Variants in HARBI1 observed in about 807,000 individuals in gnomAD.
HARBI1 encodes the protein putative nuclease HARBI1.
A neutral mutation model predicts 25.3 loss-of-function variants in HARBI1; 15 were observed. The ratio of observed to expected loss-of-function variants is 0.59; its 90% CI spans 0.40 to 0.91. HARBI1 has a LOEUF of 0.91. Among genes scored for constraint, HARBI1 ranks in the 40% least tolerant of loss-of-function variants. HARBI1 has a pLI of 0.00. For missense variants in HARBI1, 396 were observed against 445.8 expected (o/e 0.89, Z 1.01); for synonymous variants, 168 against 160.5 (o/e 1.05, Z -0.35).
chr11:46,608,518 C>T (rs2045045717), intron 2 of HARBI1, among the ~76,000 whole-genome samples: 1 of 152,076 alleles, frequency 6.6e-6, no homozygotes, highest in South Asian at 2.1e-4. Context: ...GATCGTAGCT[C>T]ACTGCAGCCT....
At chr11:46,617,525 C>T (rs2045663134), upstream of HARBI1, 1 of 297,318 alleles carries the variant, frequency 3.4e-6, no homozygotes, top group Admixed American at 5.1e-5. Flanking sequence ...TGGATTTCCC[C>T]CGTAGCCCTC....
intron 2 of HARBI1, 40 bp downstream of exon 2, chr11:46,615,528 T>C: frequency 6.4e-7 from 1 of 1,573,426 alleles, no homozygotes; most frequent in Non-Finnish European, 8.7e-7. Context: ...AACTTTTCTA[T>C]GCCTCCAAAC....
At chr11:46,609,543 C>CA (rs2045091364) in intron 2 of HARBI1, among the ~76,000 whole-genome samples, 1 of 101,738 alleles carries the variant, frequency 9.8e-6, no homozygotes, top group Non-Finnish European at 1.9e-5. Flanking sequence ...GACAGGGTTT[C>CA]AGCATGTTGA....
chr11:46,603,998 CAAGAA>C (rs1031438266), intron 2 of HARBI1, 89 bp from the exon 3 acceptor site: 4 of 1,464,038 alleles, frequency 2.7e-6, no homozygotes, highest in Non-Finnish European at 3.6e-6. Flanking sequence ...TGACAATGGA[CAAGAA>C]AATACAACAG....
intron 2 of HARBI1, among the ~76,000 whole-genome samples, chr11:46,609,126 C>A (rs983665207): frequency 2.0e-5 from 3 of 151,606 alleles, no homozygotes; most frequent in African/African-American, 7.3e-5. Context: ...ATTTCACCAT[C>A]TTGGCCAGGC....
intron 2 of HARBI1, among the ~76,000 whole-genome samples, chr11:46,611,323 A>G (rs966130191): frequency 5.9e-5 from 9 of 152,134 alleles, no homozygotes; most frequent in Admixed American, 5.2e-4. Flanking sequence ...TAACTCTTAA[A>G]GAGTTTTTAT....
chr11:46,608,576 G>A (rs573090486), intron 2 of HARBI1, among the ~76,000 whole-genome samples: 4 of 151,940 alleles, frequency 2.6e-5, no homozygotes, highest in African/African-American at 7.2e-5. Context: ...TCCTGAGTAA[G>A]CTGGGACTAC....
chr11:46,607,017 C>T (rs1473464304), intron 2 of HARBI1, among the ~76,000 whole-genome samples: 1 of 152,146 alleles, frequency 6.6e-6, no homozygotes, highest in African/African-American at 2.4e-5. Flanking sequence ...GTAATCCCAG[C>T]ACTTTGAGAG....
Position 46,615,971 on chromosome 11 carries a change from C to T in HARBI1, c.267G>A (p.Met89Ile). The T allele has an allele frequency of 6.2e-7, 1 of 1,614,172 alleles. No homozygotes were observed. Among genetic ancestry groups the T allele is most frequent in the Non-Finnish European group, 8.5e-7 (1 of 1,180,034 alleles). ...FYTSGSFQTR[M>I]GDAIGISQAS... ...CCTGACTGATTCCAATGGCATCTCCCATCCGAGTCTGGAAGGAACCTGAGG... is the reference window on the plus strand; with the variant it reads ...CCTGACTGATTCCAATGGCATCTCCTATCCGAGTCTGGAAGGAACCTGAGG... Residue 89 changes from methionine to isoleucine, a missense_variant, in exon 2 of 3, where the codon ATG (methionine) becomes ATA (isoleucine). Transcript: ENST00000326737.
intron 2 of HARBI1, among the ~76,000 whole-genome samples, chr11:46,608,327 A>T (rs2045037449): frequency 6.6e-6 from 1 of 152,052 alleles, no homozygotes; most frequent in Non-Finnish European, 1.5e-5. Flanking sequence ...CAACAACAAA[A>T]ATACAATTAG....
At chr11:46,613,272 A>G (rs755576722) in intron 2 of HARBI1, among the ~76,000 whole-genome samples, 3 of 152,090 alleles carry the variant, frequency 2.0e-5, no homozygotes, top group Non-Finnish European at 2.9e-5. Flanking sequence ...GGCGTGAGCC[A>G]CCACAACTGG....
At chr11:46,604,230 C>T (rs993671635) in intron 2 of HARBI1, 5 of 985,046 alleles carry the variant, frequency 5.1e-6, no homozygotes, top group African/African-American at 3.5e-5. Flanking sequence ...TGCATTTGGC[C>T]GGGCATGGTG....
intron 2 of HARBI1, among the ~76,000 whole-genome samples, chr11:46,605,080 A>G (rs2044884566): frequency 6.6e-6 from 1 of 152,216 alleles, no homozygotes; most frequent in East Asian, 1.9e-4. Context: ...AATTTGAGAG[A>G]CAAATAGGCC....
chr11:46,611,499 C>T (rs939083733), intron 2 of HARBI1, among the ~76,000 whole-genome samples: 1 of 151,874 alleles, frequency 6.6e-6, no homozygotes, highest in Non-Finnish European at 1.5e-5. Flanking sequence ...CTGCTTGAGC[C>T]TAGGGGTTCG....
In HARBI1 at chr11:46,603,522, C is replaced by A; in HGVS notation, c.*8G>T. On this transcript the variant is annotated 3_prime_UTR_variant, in exon 3 of 3. Transcript: ENST00000326737. ...CCTGGGAAGTATCCCTCCTCTCCAC[C>A]TTCTACATTAGCTAAAATGAGTGAG... 6.4e-7 allele frequency: 1 copy of A among 1,568,834 alleles called. No individual in the cohort carries two copies. Among genetic ancestry groups the A allele is most frequent in the Non-Finnish European group, 8.7e-7 (1 of 1,154,506 alleles).
intron 2 of HARBI1, among the ~76,000 whole-genome samples, chr11:46,608,264 C>T (rs2045033927): frequency 6.6e-6 from 1 of 152,138 alleles, no homozygotes; most frequent in Non-Finnish European, 1.5e-5. Flanking sequence ...CCCCATTGCA[C>T]CACAGCCTGG....
intron 2 of HARBI1, chr11:46,604,184 G>A: frequency 1.0e-6 from 1 of 985,410 alleles, no homozygotes; most frequent in Non-Finnish European, 1.2e-6. Flanking sequence ...AAAGAATGTA[G>A]GAAGGAGGTG....
chr11:46,604,328 G>A (rs1209134770), intron 2 of HARBI1: 6 of 822,944 alleles, frequency 7.3e-6, no homozygotes, highest in Admixed American at 6.2e-5. Flanking sequence ...CCTGACCAAC[G>A]TGGGAGGCGG....
intron 2 of HARBI1, among the ~76,000 whole-genome samples, chr11:46,605,158 T>C (rs748333384): frequency 8.5e-5 from 13 of 152,286 alleles, no homozygotes; most frequent in Admixed American, 2.0e-4. Context: ...AGTTCTGGAC[T>C]GTTCAGACAG....
Sources: allele counts gnomAD v4.1 joint callset (sites outside exome capture counted in the v4.1 genomes callset), GRCh38; gene constraint gnomAD v4.1.1; transcripts MANE v1.5; gene names NCBI Gene and HGNC (gene_info 2026-07-23, HGNC 2026-07-21).